The following CNTNAP5 variants were observed in gnomAD, a reference collection of about 807,000 sequenced individuals.
CNTNAP5 encodes the protein contactin-associated protein-like 5.
Under a neutral mutation model 150.2 loss-of-function variants are expected in CNTNAP5, and 72 were observed. The observed-to-expected ratio is 0.48, with a 90% CI of 0.40 to 0.58. The LOEUF (loss-of-function observed/expected upper bound fraction) is 0.58, where lower values mean the gene tolerates loss of function less well. Ranked by LOEUF, CNTNAP5 falls within the 20% of genes least tolerant of loss-of-function variation. The pLI, the probability that CNTNAP5 is intolerant of heterozygous loss-of-function variation, is 0.00. For synonymous variants in CNTNAP5, 672 were observed against 619.8 expected, an observed-to-expected ratio of 1.08 and a Z score of -1.25; for missense variants, 1,636 against 1,626.2, an observed-to-expected ratio of 1.01 and a Z score of -0.10.
At chr2:124,726,629 G>T (rs931220302) in intron 13 of CNTNAP5, among the ~76,000 whole-genome samples, 2 of 149,234 alleles carry the variant, frequency 1.3e-5, no homozygotes, top group South Asian at 4.3e-4. Context: ...TTAGCCATTT[G>T]TACGTCTTCT....
chr2:124,533,462 T>G (rs1347623128), intron 10 of CNTNAP5, among the ~76,000 whole-genome samples: 1 of 152,196 alleles, frequency 6.6e-6, no homozygotes, highest in Non-Finnish European at 1.5e-5. Context: ...AGAACAATGC[T>G]GTAAAGCTTC....
At chr2:124,225,989 G>C (rs1659784489) in intron 2 of CNTNAP5, among the ~76,000 whole-genome samples, 1 of 152,030 alleles carries the variant, frequency 6.6e-6, no homozygotes, top group Admixed American at 6.6e-5. Context: ...TTGTATAAAT[G>C]CCACAATTTT....
Position 124,503,069 on chromosome 2 carries a change from C to T in CNTNAP5, c.1063-1223C>T, listed in dbSNP as rs1030329703. ...ATATATACTGTGGGTGATTGCTTGA[C>T]GGATATCAAGGTCCTTACCCTTTGA... On this transcript the variant is annotated intron_variant, in intron 7 of 23. Transcript: ENST00000682447. Among the ~76,000 whole-genome samples, 12 of 152,254 alleles carry T rather than the reference C, an allele frequency of 7.9e-5. No individual in the cohort carries two copies. In the East Asian group the frequency reaches 1.5e-3, roughly 20 times the overall value.
intron 13 of CNTNAP5, among the ~76,000 whole-genome samples, chr2:124,721,304 C>A (rs1398145103): frequency 3.3e-5 from 5 of 151,932 alleles, no homozygotes; most frequent in Admixed American, 3.3e-4. Context: ...CATGGTGAAA[C>A]CCCATCTCTC....
chr2:124,180,642 CATT>C (rs1018559841), intron 1 of CNTNAP5, among the ~76,000 whole-genome samples: 2 of 152,074 alleles, frequency 1.3e-5, no homozygotes, highest in Non-Finnish European at 2.9e-5. Flanking sequence ...TATTATGACT[CATT>C]ATAACTAATT....
rs1192390906 is a variant in CNTNAP5 at position 124,706,795 on chromosome 2, A to AAGG, written c.2078-40405_2078-40403dup. 8.9e-3 allele frequency among the ~76,000 whole-genome samples: 168 copies of AAGG among 18,816 alleles called. 3 individuals carry two copies. Among genetic ancestry groups the AAGG allele is most frequent in the Non-Finnish European group, 0.012 (115 of 9,608 alleles). The allele number at this position is 18,816 out of a possible 152,430, so 12.3% of individuals were successfully genotyped here. ...GAAGAAGAAGAAGAAGAAGAAGAAGAAGGAGGAGGAGGAGGAGGAGGAGGA... is the reference window on the plus strand; with the variant it reads ...GAAGAAGAAGAAGAAGAAGAAGAAGAAGGAGGAGGAGGAGGAGGAGGAGGAGGA... On this transcript the variant is annotated intron_variant, in intron 13 of 23. Coordinates refer to ENST00000682447, the MANE Select transcript of CNTNAP5 (RefSeq NM_001367498.1).
At chr2:124,744,634 A>T (rs1435932234) in intron 13 of CNTNAP5, among the ~76,000 whole-genome samples, 1 of 152,186 alleles carries the variant, frequency 6.6e-6, no homozygotes, top group Non-Finnish European at 1.5e-5. Context: ...TTGTTGAATG[A>T]ATTCATAGTT....
intron 10 of CNTNAP5, among the ~76,000 whole-genome samples, chr2:124,547,227 G>A (rs1695532838): frequency 1.3e-5 from 2 of 152,110 alleles, no homozygotes; most frequent in Admixed American, 6.6e-5. Flanking sequence ...AGATGAGTGA[G>A]GTGACATCAG....
rs368948365 is a variant in CNTNAP5 at position 124,150,153 on chromosome 2, G to A, written c.83-71552G>A. Among the ~76,000 whole-genome samples the A allele has an allele frequency of 2.8e-3, 433 of 152,126 alleles. 2 individuals are homozygous for A. Among genetic ancestry groups the A allele is most frequent in the African/African-American group, 9.9e-3 (413 of 41,516 alleles). ...TACAAGAGCGTGTGGATTTATTTCCGATTAAAAAAGGAACAGCACCAGAAA... is the reference window on the plus strand; with the variant it reads ...TACAAGAGCGTGTGGATTTATTTCCAATTAAAAAAGGAACAGCACCAGAAA... On this transcript the variant is annotated intron_variant, in intron 1 of 23. Transcript: ENST00000682447.
chr2:124,501,722 G>T (rs968653101), intron 7 of CNTNAP5, among the ~76,000 whole-genome samples: 12 of 152,118 alleles, frequency 7.9e-5, no homozygotes, highest in African/African-American at 2.9e-4. Flanking sequence ...CGTCATTTCT[G>T]TCAGCAGTAA....
At chr2:124,365,273 G>A (rs1690342105) in intron 3 of CNTNAP5, among the ~76,000 whole-genome samples, 1 of 150,176 alleles carries the variant, frequency 6.7e-6, no homozygotes, top group Non-Finnish European at 1.5e-5. Flanking sequence ...CCATGATTAT[G>A]CCACTGCACC....
intron 7 of CNTNAP5, among the ~76,000 whole-genome samples, chr2:124,491,929 CTT>C (rs1010499909): frequency 5.3e-5 from 8 of 152,034 alleles, no homozygotes; most frequent in African/African-American, 1.7e-4. Context: ...GGTCTTTGCT[CTT>C]TTTATTATAT....
intron 13 of CNTNAP5, among the ~76,000 whole-genome samples, chr2:124,725,890 A>C (rs1680148171): frequency 1.3e-5 from 2 of 152,022 alleles, no homozygotes; most frequent in African/African-American, 4.8e-5. Context: ...AATGGCAAGA[A>C]TTACTTTTTA....
chr2:124,490,319 G>A (rs1361706789), intron 7 of CNTNAP5, among the ~76,000 whole-genome samples: 3 of 133,490 alleles, frequency 2.2e-5, no homozygotes, highest in African/African-American at 5.5e-5. Context: ...GGACAACAGA[G>A]CATTGTTGTC....
intron 13 of CNTNAP5, among the ~76,000 whole-genome samples, chr2:124,730,909 G>A (rs1158616990): frequency 6.6e-6 from 1 of 152,136 alleles, no homozygotes; most frequent in Non-Finnish European, 1.5e-5. Flanking sequence ...ATACAGGCAT[G>A]AAATCCTATT....
intron 2 of CNTNAP5, among the ~76,000 whole-genome samples, chr2:124,237,053 C>T (rs1686767901): frequency 6.6e-6 from 1 of 152,044 alleles, no homozygotes; most frequent in African/African-American, 2.4e-5. Context: ...CCCTTGAACC[C>T]AGGAGGCAGA....
intron 1 of CNTNAP5, among the ~76,000 whole-genome samples, chr2:124,158,863 A>G (rs1290843857): frequency 6.6e-6 from 1 of 152,200 alleles, no homozygotes; most frequent in East Asian, 1.9e-4. Flanking sequence ...GGTATGGGAC[A>G]GGTGTGCTAA....
At chr2:124,616,512 T>C (rs1323627253) in intron 12 of CNTNAP5, among the ~76,000 whole-genome samples, 1 of 152,184 alleles carries the variant, frequency 6.6e-6, no homozygotes, top group Non-Finnish European at 1.5e-5. Context: ...GCAGCTAAAA[T>C]TTTCTCCACA....
intron 13 of CNTNAP5, among the ~76,000 whole-genome samples, chr2:124,677,491 G>C (rs1678970036): frequency 6.6e-6 from 1 of 152,206 alleles, no homozygotes; most frequent in East Asian, 1.9e-4. Context: ...ACATCCTGCT[G>C]ATTGGTCCAT....
Sources: allele counts gnomAD v4.1 joint callset (sites outside exome capture counted in the v4.1 genomes callset), GRCh38; gene constraint gnomAD v4.1.1; transcripts MANE v1.5; gene names NCBI Gene and HGNC (gene_info 2026-07-23, HGNC 2026-07-21).